Variants in TENM4 observed in about 807,000 individuals in gnomAD.
TENM4 encodes teneurin transmembrane protein 4.
Under a neutral mutation model 243.3 loss-of-function variants are expected in TENM4, and 82 were observed. The ratio of observed to expected loss-of-function variants is 0.34; its 90% CI spans 0.28 to 0.40. The LOEUF is 0.40. Ranked by LOEUF, TENM4 falls within the 10% of genes least tolerant of loss-of-function variation. The pLI, the probability that TENM4 is intolerant of heterozygous loss-of-function variation, is 1.00. For missense variants in TENM4, 3,138 were observed against 3,673.3 expected, an observed-to-expected ratio of 0.85 and a Z score of 3.77; for synonymous variants, 1,412 against 1,456.3, an observed-to-expected ratio of 0.97 and a Z score of 0.69.
chr11:79,110,205 C>A (rs995783601), intron 4 of TENM4, among the ~76,000 whole-genome samples: 1 of 152,164 alleles, frequency 6.6e-6, no homozygotes, highest in African/African-American at 2.4e-5. Context: ...ATAAGGGGAC[C>A]CTTGCTCCTG....
intron 1 of TENM4, among the ~76,000 whole-genome samples, chr11:79,401,406 AC>A (rs1858459312): frequency 1.3e-5 from 2 of 152,122 alleles, no homozygotes; most frequent in African/African-American, 4.8e-5. Context: ...GGAGCCTCAG[AC>A]TCTTTGAGAT....
chr11:79,134,899 T>C (rs531989688), intron 4 of TENM4, among the ~76,000 whole-genome samples: 1 of 152,192 alleles, frequency 6.6e-6, no homozygotes, highest in African/African-American at 2.4e-5. Flanking sequence ...TTCTAGAAGA[T>C]AACATTGGAA....
At chr11:79,108,931 C>G (rs947226510) in intron 4 of TENM4, among the ~76,000 whole-genome samples, 1 of 152,102 alleles carries the variant, frequency 6.6e-6, no homozygotes, top group African/African-American at 2.4e-5. Context: ...TTCCCCATTC[C>G]CCACACAAAC....
intron 6 of TENM4, among the ~76,000 whole-genome samples, chr11:79,001,029 T>G (rs1228502407): frequency 6.6e-6 from 1 of 152,076 alleles, no homozygotes; most frequent in Non-Finnish European, 1.5e-5. Context: ...AGACTCCATC[T>G]CAAAAAAAGG....
intron 3 of TENM4, among the ~76,000 whole-genome samples, chr11:79,175,188 T>C (rs987797189): frequency 9.2e-5 from 14 of 152,288 alleles, no homozygotes; most frequent in Non-Finnish European, 1.9e-4. Flanking sequence ...TGCCAAAGTA[T>C]AGCAAAAACC....
At chr11:79,272,956 A>G (rs1476656172) in intron 2 of TENM4, among the ~76,000 whole-genome samples, 1 of 152,200 alleles carries the variant, frequency 6.6e-6, no homozygotes, top group East Asian at 1.9e-4. Flanking sequence ...CTAAAATAAA[A>G]CATCCTTTAG....
Position 79,138,311 on chromosome 11 carries a change from T to TTATATATA in TENM4, c.-66+10391_-66+10398dup, listed in dbSNP as rs1324975719. Among the ~76,000 whole-genome samples the TTATATATA allele has an allele frequency of 7.3e-3, 703 of 96,088 alleles. 9 individuals are homozygous for TTATATATA. The highest frequency in any genetic ancestry group is 0.027 in the African/African-American group (655 of 23,966). The allele number at this position is 96,088 out of a possible 152,430, so 63.0% of individuals were successfully genotyped here. On this transcript the variant is annotated intron_variant, in intron 4 of 33. Coordinates refer to ENST00000278550, the MANE Select transcript of TENM4 (RefSeq NM_001098816.3). ...GAGTTAATACTTAATAAACTCCCCTTTATATATATATATATATATTATATA... is the reference window on the plus strand; with the variant it reads ...GAGTTAATACTTAATAAACTCCCCTTTATATATATATATATATATATATATATTATATA...
chr11:79,220,958 T>C (rs1220054257), intron 2 of TENM4: 1 of 152,202 alleles, frequency 6.6e-6, no homozygotes, highest in Non-Finnish European at 1.5e-5. Context: ...ATCACGTAAA[T>C]TATTAGCACA....
intron 6 of TENM4, among the ~76,000 whole-genome samples, chr11:79,002,519 C>T (rs1323312350): frequency 4.6e-5 from 7 of 152,240 alleles, no homozygotes; most frequent in Admixed American, 1.3e-4. Context: ...TTACAGCACA[C>T]AGCCCAAAAG....
At chr11:79,369,309 C>T (rs886336955) in intron 1 of TENM4, among the ~76,000 whole-genome samples, 5 of 152,164 alleles carry the variant, frequency 3.3e-5, no homozygotes, top group African/African-American at 9.7e-5. Flanking sequence ...AGCCTGTCAC[C>T]CCCTGAGTTA....
intron 6 of TENM4, among the ~76,000 whole-genome samples, chr11:79,050,988 T>C (rs1175685440): frequency 2.0e-5 from 3 of 152,160 alleles, no homozygotes; most frequent in East Asian, 1.9e-4. Context: ...TGCATGCGTG[T>C]GGAGTCAGAT....
chr11:79,312,663 C>G (rs929921730), intron 1 of TENM4, among the ~76,000 whole-genome samples: 10 of 152,150 alleles, frequency 6.6e-5, no homozygotes, highest in African/African-American at 2.4e-4. Context: ...ACCTTTATAG[C>G]CTCAGTGCCT....
chr11:79,288,698 G>A (rs1856301001), intron 2 of TENM4, among the ~76,000 whole-genome samples: 1 of 152,200 alleles, frequency 6.6e-6, no homozygotes, highest in Non-Finnish European at 1.5e-5. Flanking sequence ...AGAGAGCTAA[G>A]TGTCAGCTTC....
In TENM4 at chr11:78,903,420, G is replaced by A. The variant is rs1327391669; in HGVS notation, c.597C>T (p.Ser199=). 1.9e-6 allele frequency: 3 copies of A among 1,545,126 alleles called. No homozygotes were observed. Among genetic ancestry groups the A allele is most frequent in the South Asian group, 2.4e-5 (2 of 83,722 alleles). The change falls in exon 7 of 34, where the codon TCC becomes TCT. Residue 199 remains serine, a synonymous_variant. Transcript: ENST00000278550. ...TCGGCGTGAAGTTGCCCCGGTTCAG[G>A]GAGTTAATGGAGGCCGCGTGGTGCT... ...PNQHHAASIN[S]LNRGNFTPRS... is the part of the protein sequence containing the mutation.
At chr11:78,887,097 C>T (rs1421262883) in intron 9 of TENM4, among the ~76,000 whole-genome samples, 4 of 152,162 alleles carry the variant, frequency 2.6e-5, no homozygotes, top group African/African-American at 9.7e-5. Flanking sequence ...GTTGCCCACC[C>T]AATTAGGTCC....
intron 6 of TENM4, among the ~76,000 whole-genome samples, chr11:78,978,260 T>C (rs947473691): frequency 6.6e-6 from 1 of 151,766 alleles, no homozygotes; most frequent in Non-Finnish European, 1.5e-5. Flanking sequence ...GTAGATGACA[T>C]GTTGATAAGT....
chr11:79,108,782 A>G (rs902809573), intron 4 of TENM4, among the ~76,000 whole-genome samples: 1 of 152,194 alleles, frequency 6.6e-6, no homozygotes, highest in Non-Finnish European at 1.5e-5. Flanking sequence ...AGTAGTGGCC[A>G]CTGGACCTAG....
chr11:79,190,841 C>CG (rs1863467373), intron 3 of TENM4, among the ~76,000 whole-genome samples: 1 of 69,804 alleles, frequency 1.4e-5, no homozygotes, highest in Non-Finnish European at 2.7e-5. Context: ...CTCCCTCTCC[C>CG]TCTCCCGTCT....
intron 6 of TENM4, among the ~76,000 whole-genome samples, chr11:79,025,325 T>A (rs1859048690): frequency 6.6e-6 from 1 of 152,132 alleles, no homozygotes; most frequent in African/African-American, 2.4e-5. Flanking sequence ...GAAGGGGACA[T>A]CTAGAGGCTT....
Sources: gnomAD v4.1 joint callset for allele counts (sites outside exome capture counted in the v4.1 genomes callset) on GRCh38, gnomAD v4.1.1 for gene constraint, MANE v1.5 for transcripts, NCBI Gene and HGNC (gene_info 2026-07-23, HGNC 2026-07-21) for gene names.